Variants in GEMIN5 observed in about 807,000 individuals in gnomAD.
GEMIN5 encodes gem-associated protein 5.
GEMIN5 carries 124 observed loss-of-function variants against 176.9 expected under a neutral mutation model. That is an observed-to-expected ratio of 0.70 (90% confidence interval 0.61 to 0.81). The LOEUF (loss-of-function observed/expected upper bound fraction) is 0.81, where lower values mean the gene tolerates loss of function less well. GEMIN5 is among the 40% of genes least tolerant of loss of function. The pLI is 0.00. For synonymous variants in GEMIN5, 673 were observed against 665.2 expected (o/e 1.01, Z -0.18); for missense variants, 1,843 against 1,814.6 (o/e 1.02, Z -0.28).
chr5:154,922,116 A>C (rs376973754), intron 9 of GEMIN5, among the ~76,000 whole-genome samples: 2 of 152,262 alleles, frequency 1.3e-5, no homozygotes, highest in African/African-American at 4.8e-5. Context: ...AAAATTTCTA[A>C]AAGAAATTTA....
Position 154,928,676 on chromosome 5 carries a change from A to G in GEMIN5, c.782-17T>C. 4 of 1,613,498 alleles carry G rather than the reference A, an allele frequency of 2.5e-6. No individual in the cohort carries two copies. Among genetic ancestry groups the G allele is most frequent in the Non-Finnish European group, 3.4e-6 (4 of 1,179,434 alleles). ...TCATCACCCCTGCAGATTAAAAAGAAGGCCAGTGGGCACTCAAGACAGTGA... is the reference window on the plus strand; with the variant it reads ...TCATCACCCCTGCAGATTAAAAAGAGGGCCAGTGGGCACTCAAGACAGTGA... On this transcript the variant is annotated splice_polypyrimidine_tract_variant and intron_variant, in intron 5 of 27. Transcript: ENST00000285873.
rs755093017 is a variant in GEMIN5, at chr5:154,891,239, A to G, written c.4262+2T>C. The G allele has an allele frequency of 3.1e-6, 5 of 1,611,666 alleles. No individual in the cohort carries two copies. The highest frequency in any genetic ancestry group is 4.2e-6 in the Non-Finnish European group (5 of 1,178,536). On this transcript the variant is annotated splice_donor_variant, in intron 26 of 27. Coordinates refer to ENST00000285873, the MANE Select transcript of GEMIN5 (RefSeq NM_015465.5). LOFTEE classifies it high-confidence loss of function. ...CCGTCTTGTACTTGCCTCAGTACTT[A>G]CCACTGGCTCTGAGAACTGCAGAGG...
At chr5:154,891,091 T>G in intron 26 of GEMIN5, 150 bp downstream of exon 26, 1 of 250,702 alleles carries the variant, frequency 4.0e-6, no homozygotes. Flanking sequence ...AGACAGGGTC[T>G]CGCTTTTTTG....
chr5:154,924,914 G>A lies in GEMIN5; in HGVS notation c.1294-360C>T, dbSNP rs577212968. On this transcript the variant is annotated intron_variant, in intron 8 of 27. Transcript: ENST00000285873. ...TGAGGCAGGAGAAAGGCGTGAACCC[G>A]GGAGGCGGAGCTTGCAGTGAGCCGA... Among the ~76,000 whole-genome samples, 18 of 152,092 alleles carry A rather than the reference G, an allele frequency of 1.2e-4. No homozygotes were observed. In the South Asian group the frequency reaches 3.3e-3, roughly 28 times the overall value.
Position 154,920,020 on chromosome 5 carries a change from T to C in GEMIN5, c.1546A>G (p.Ser516Gly). ...TTGTTGATGTCAAAGGCTTCTCCAC[T>C]AAGCTTCCAGGGATTATGCTGTAAG... ...IVLQHNPWKL[S>G]GEAFDINKLI... The change falls in exon 11 of 28, where the codon AGT becomes GGT. Residue 516 changes from serine (S) to glycine (G), a missense_variant. Transcript: ENST00000285873. 6.2e-7 allele frequency: 1 copy of C among 1,613,610 alleles called. No individual in the cohort carries two copies. The highest frequency in any genetic ancestry group is 8.5e-7 in the Non-Finnish European group (1 of 1,179,624).
In GEMIN5 at chr5:154,907,610, G is replaced by A. The variant is rs768407862; in HGVS notation, c.2376C>T (p.Pro792=). 1 of 1,613,840 alleles carries A rather than the reference G, an allele frequency of 6.2e-7. No homozygotes were observed. The highest frequency in any genetic ancestry group is 1.1e-5 in the South Asian group (1 of 91,068). The change falls in exon 16 of 28, where the codon CCC becomes CCT. Residue 792 remains proline (P), a synonymous_variant. Transcript: ENST00000285873. Reference sequence around the variant, plus strand: ...ACATACCCGCTGGAGCAAGGCCACAGGGTAATTCCGGCTCCCGTGCTTGCT... The same window carrying A: ...ACATACCCGCTGGAGCAAGGCCACAAGGTAATTCCGGCTCCCGTGCTTGCT... The part of the protein sequence containing the change: ...GEEQAREPEL[P]CGLAPAVSRE...
At chr5:154,932,359 C>A (rs1426711610) in intron 3 of GEMIN5, 109 bp from the exon 4 acceptor site, 2 of 760,274 alleles carry the variant, frequency 2.6e-6, no homozygotes, top group Non-Finnish European at 4.3e-6. Flanking sequence ...AAGTTAGGTG[C>A]ATTTGGGGTG....
intron 1 of GEMIN5, 68 bp downstream of exon 1, chr5:154,937,900 C>T: frequency 1.5e-6 from 2 of 1,347,324 alleles, no homozygotes; most frequent in African/African-American, 1.5e-5. Context: ...GGGGTGGAGT[C>T]GTCCACTCGG....
intron 16 of GEMIN5, among the ~76,000 whole-genome samples, chr5:154,905,775 C>G (rs1031574440): frequency 4.7e-5 from 7 of 150,104 alleles, no homozygotes; most frequent in Non-Finnish European, 7.4e-5. Flanking sequence ...TCTTGGCTTA[C>G]TGCAACCTCT....
At chr5:154,912,168 G>A (rs1158025197) in intron 14 of GEMIN5, among the ~76,000 whole-genome samples, 1 of 152,090 alleles carries the variant, frequency 6.6e-6, no homozygotes, top group Admixed American at 6.5e-5. Context: ...TCACTGTCTC[G>A]AACCAATACT....
At chr5:154,904,672 C>G (rs1763534494) in intron 17 of GEMIN5, 43 bp from the exon 18 acceptor site, 1 of 1,528,596 alleles carries the variant, frequency 6.5e-7, no homozygotes, top group South Asian at 1.1e-5. Flanking sequence ...GAGAACTGAT[C>G]AGAAACATAA....
chr5:154,889,031 C>T (rs561286692), intron 27 of GEMIN5, among the ~76,000 whole-genome samples: 64 of 152,172 alleles, frequency 4.2e-4, no homozygotes, highest in African/African-American at 1.5e-3. Flanking sequence ...CACCTGCCCC[C>T]ACGCCCGGCT....
At chr5:154,926,248 C>T (rs771715690) in intron 7 of GEMIN5, among the ~76,000 whole-genome samples, 174 bp from the exon 8 acceptor site, 3 of 152,076 alleles carry the variant, frequency 2.0e-5, no homozygotes, top group Non-Finnish European at 4.4e-5. Flanking sequence ...AATTATGTTG[C>T]TTAAAGGGAT....
Position 154,926,072 on chromosome 5 carries a change from T to C in GEMIN5, c.1083A>G (p.Val361=), listed in dbSNP as rs1328630702. The change falls in exon 8 of 28, where the codon GTA becomes GTG. Residue 361 remains valine (V), a splice_region_variant and synonymous_variant. Transcript: ENST00000285873. ...LLLSTSMDRD[V]KCWDIATLEC... is the part of the protein sequence containing the mutation. ...CCAAGGTGGCTATGTCCCAACATTT[T>C]ACCTGCAAAGATTAACGGTAAGGGC... is the stretch of plus-strand genomic sequence containing the variant. 1.2e-6 allele frequency: 2 copies of C among 1,603,420 alleles called. No homozygotes were observed. The highest frequency in any genetic ancestry group is 2.2e-5 in the South Asian group (2 of 90,830).
intron 12 of GEMIN5, 101 bp from the exon 13 acceptor site, chr5:154,917,280 G>T: frequency 1.8e-6 from 1 of 559,802 alleles, no homozygotes; most frequent in Non-Finnish European, 3.0e-6. Context: ...GGAAAGATGA[G>T]GTGGAAAAGG....
At chr5:154,932,438 C>T (rs1027376826) in intron 3 of GEMIN5, among the ~76,000 whole-genome samples, 188 bp from the exon 4 acceptor site, 1 of 152,136 alleles carries the variant, frequency 6.6e-6, no homozygotes, top group African/African-American at 2.4e-5. Flanking sequence ...CCTTATGCCT[C>T]CTGGTTTTGT....
rs1372971612 is a variant in GEMIN5 at position 154,902,524 on chromosome 5, A to C, written c.2866+15T>G. The C allele has an allele frequency of 6.2e-7, 1 of 1,613,266 alleles. No homozygotes were observed. The highest frequency in any genetic ancestry group is 2.2e-5 in the East Asian group (1 of 44,902). On this transcript the variant is annotated intron_variant, in intron 20 of 27. Coordinates refer to ENST00000285873, the MANE Select transcript of GEMIN5 (RefSeq NM_015465.5). ...AGAGCTTTTGTTGAAAAGAACAAAC[A>C]AACAAAAACCATACCTGCTGGTGCC...
At chr5:154,912,829 G>T in intron 14 of GEMIN5, 70 bp downstream of exon 14, 5 of 1,351,220 alleles carry the variant, frequency 3.7e-6, no homozygotes, top group Non-Finnish European at 3.1e-6. Flanking sequence ...GTTCACAACT[G>T]GGGGAAAAGA....
At chr5:154,924,620 C>T (rs780227942) in intron 8 of GEMIN5, 66 bp from the exon 9 acceptor site, 6 of 929,348 alleles carry the variant, frequency 6.5e-6, no homozygotes, top group East Asian at 4.8e-5. Flanking sequence ...GGAATCCTTA[C>T]ATTACCCTTT....
Sources: gnomAD v4.1 joint callset for allele counts (sites outside exome capture counted in the v4.1 genomes callset) on GRCh38, gnomAD v4.1.1 for gene constraint, MANE v1.5 for transcripts, NCBI Gene and HGNC (gene_info 2026-07-23, HGNC 2026-07-21) for gene names.